TADA2A: variants seen among roughly 807,000 people sequenced by gnomAD.
The protein encoded by TADA2A is transcriptional adapter 2-alpha.
Under a neutral mutation model 67.4 loss-of-function variants are expected in TADA2A, and 38 were observed. The ratio of observed to expected loss-of-function variants is 0.56; its 90% CI spans 0.44 to 0.74. TADA2A has a LOEUF of 0.74. Among genes scored for constraint, TADA2A ranks in the 30% least tolerant of loss-of-function variants. The probability of loss-of-function intolerance (pLI) is 0.00; values close to 1 mark genes in which losing one functional copy is unlikely to be tolerated. For missense variants in TADA2A, 454 were observed against 547.0 expected (o/e 0.83, Z 1.70); for synonymous variants, 192 against 181.6 (o/e 1.06, Z -0.46).
At chr17:37,407,681 C>T (rs1036753029) in intron 1 of TADA2A, among the ~76,000 whole-genome samples, 4 of 151,726 alleles carry the variant, frequency 2.6e-5, no homozygotes, top group African/African-American at 9.7e-5. Flanking sequence ...GGCACGATCG[C>T]GGCTCACTGC....
At chr17:37,459,830 C>A (rs1322327823) in intron 9 of TADA2A, among the ~76,000 whole-genome samples, 3 of 150,912 alleles carry the variant, frequency 2.0e-5, no homozygotes, top group African/African-American at 4.9e-5. Context: ...CTTTGGGAGG[C>A]CGAGGCTGGT....
chr17:37,469,564 T>C (rs7217375), intron 12 of TADA2A, among the ~76,000 whole-genome samples: 110,143 of 151,780 alleles, frequency 0.73, 40,588 homozygotes, highest in East Asian at 0.97. Flanking sequence ...ACCTGGGAGG[T>C]GGAGGTTGCT....
intron 4 of TADA2A, among the ~76,000 whole-genome samples, chr17:37,435,297 G>C (rs2052689134): frequency 6.6e-6 from 1 of 152,128 alleles, no homozygotes; most frequent in Admixed American, 6.6e-5. Flanking sequence ...TTGTTTGTTT[G>C]TTTGTTTTTG....
Position 37,477,078 on chromosome 17 carries a change from A to C in TADA2A, c.*96A>C. Reference sequence around the variant, plus strand: ...ATTCTGGAGAGTTGTTTTTCAGCTGAATTCTCATGGTGAAAACAGGGGAAA... The same window carrying C: ...ATTCTGGAGAGTTGTTTTTCAGCTGCATTCTCATGGTGAAAACAGGGGAAA... On this transcript the variant is annotated 3_prime_UTR_variant, in exon 16 of 16. Transcript: ENST00000615182. 2 of 1,276,838 alleles carry C rather than the reference A, an allele frequency of 1.6e-6. No homozygotes were observed. Among genetic ancestry groups the C allele is most frequent in the South Asian group, 2.9e-5 (2 of 67,964 alleles). 79.1% of individuals were successfully genotyped at this position (1,276,838 alleles called of 1,614,324 possible). A position where few individuals can be genotyped will look rare whatever the true frequency, so the allele number is the denominator to read the frequency against.
At chr17:37,444,257 T>TG (rs2053009152) in intron 7 of TADA2A, among the ~76,000 whole-genome samples, 1 of 28,334 alleles carries the variant, frequency 3.5e-5, no homozygotes, top group Non-Finnish European at 5.4e-5. Flanking sequence ...AGACCCTGTT[T>TG]CCAAAAAAAA....
rs2147923030 is a variant in TADA2A, at chr17:37,422,307, G to A, written c.26-1202G>A. ...GATCCACCCGCCTCGGCCCCCCAAA[G>A]TGCTGGGATTACAGGCATGAGCCAC... On this transcript the variant is annotated intron_variant, in intron 2 of 15. Coordinates refer to ENST00000615182, the MANE Select transcript of TADA2A (RefSeq NM_001166105.3). 1.3e-5 allele frequency among the ~76,000 whole-genome samples: 2 copies of A among 149,982 alleles called. 1 individual carries two copies. Among genetic ancestry groups the A allele is most frequent in the South Asian group, 4.3e-4 (2 of 4,688 alleles).
chr17:37,458,637 T>TTTTTTG lies in TADA2A; in HGVS notation c.668+51_668+52insTTTTGT, dbSNP rs1230849870. ...CTCCTTTCAGCTTTGGATTATTGTT[T>TTTTTTG]TGTGTGTGTGTGTGTGTGTGTGTGT... On this transcript the variant is annotated intron_variant, in intron 9 of 15. Transcript: ENST00000615182. The TTTTTTG allele has an allele frequency of 8.2e-6, 8 of 981,564 alleles. No individual in the cohort carries two copies. The South Asian group carries it at 8.9e-5, about 11-fold the overall frequency. The allele number at this position is 981,564 out of a possible 1,614,324, so 60.8% of individuals were successfully genotyped here.
chr17:37,462,606 TG>T (rs35042552), intron 10 of TADA2A, among the ~76,000 whole-genome samples: 1 of 150,010 alleles, frequency 6.7e-6, no homozygotes, highest in Admixed American at 6.6e-5. Flanking sequence ...CACTCCAGCC[TG>T]GGCGATAGAG....
At chr17:37,468,593 C>G (rs1399798411) in intron 12 of TADA2A, among the ~76,000 whole-genome samples, 1 of 151,760 alleles carries the variant, frequency 6.6e-6, no homozygotes, top group African/African-American at 2.4e-5. Flanking sequence ...TCTCAAACTC[C>G]TGGCCTCAAG....
intron 2 of TADA2A, among the ~76,000 whole-genome samples, chr17:37,418,836 G>A (rs1179726856): frequency 6.6e-6 from 1 of 151,610 alleles, no homozygotes. Flanking sequence ...TGAGCCACCC[G>A]GCTCAGCCTC....
chr17:37,430,856 C>T (rs545186565), intron 4 of TADA2A, among the ~76,000 whole-genome samples: 1 of 152,282 alleles, frequency 6.6e-6, no homozygotes, highest in Admixed American at 6.5e-5. Flanking sequence ...GTCTCTTCAA[C>T]TAATGTGTGT....
chr17:37,423,575 G>A lies in TADA2A; in HGVS notation c.92G>A (p.Cys31Tyr). The change falls in exon 3 of 16, where the codon TGT (cysteine) becomes TAT (tyrosine). Residue 31 changes from cysteine (C) to tyrosine (Y), a missense_variant. Transcript: ENST00000615182. ...SSYLMEPYIK[C>Y]AECGPPPFFL... ...TACCTCATGGAGCCTTATATCAAGT[G>A]TGCTGAATGTGGGCCACCTCCTTTT... 1 of 1,613,444 alleles carries A rather than the reference G, an allele frequency of 6.2e-7. No individual in the cohort carries two copies. Among genetic ancestry groups the A allele is most frequent in the Non-Finnish European group, 8.5e-7 (1 of 1,179,892 alleles).
At chr17:37,469,605 C>G (rs1028993520) in intron 12 of TADA2A, among the ~76,000 whole-genome samples, 4 of 152,114 alleles carry the variant, frequency 2.6e-5, no homozygotes, top group African/African-American at 9.7e-5. Flanking sequence ...TGCACTCAAG[C>G]CTGGGCAACA....
At chr17:37,444,661 G>A (rs1202110084) in intron 7 of TADA2A, 35 bp from the exon 8 acceptor site, 3 of 1,587,436 alleles carry the variant, frequency 1.9e-6, no homozygotes, top group Non-Finnish European at 2.6e-6. Flanking sequence ...AAGCCGATGG[G>A]TTTGGGGTGG....
chr17:37,443,547 C>T (rs2052985924), intron 7 of TADA2A, among the ~76,000 whole-genome samples: 1 of 152,176 alleles, frequency 6.6e-6, no homozygotes, highest in African/African-American at 2.4e-5. Context: ...AGCCACTGCA[C>T]CTGGCTTGTA....
At chr17:37,454,693 CT>C (rs965769183) in intron 8 of TADA2A, 20 of 335,086 alleles carry the variant, frequency 6.0e-5, no homozygotes, top group African/African-American at 4.0e-4. Flanking sequence ...AGAAAAGAAC[CT>C]GCTGAGCAGT....
chr17:37,468,099 ATT>A (rs1205587188), intron 12 of TADA2A, among the ~76,000 whole-genome samples: 1 of 151,906 alleles, frequency 6.6e-6, no homozygotes, highest in African/African-American at 2.4e-5. Flanking sequence ...AAAAAAAGGA[ATT>A]TTATATTTTA....
chr17:37,427,307 G>A lies in TADA2A; in HGVS notation c.192+298G>A, dbSNP rs923721687. Among the ~76,000 whole-genome samples the A allele has an allele frequency of 5.9e-5, 9 of 152,320 alleles. No individual in the cohort carries two copies. The South Asian group carries it at 6.2e-4, about 11-fold the overall frequency. On this transcript the variant is annotated intron_variant, in intron 4 of 15. Transcript: ENST00000615182. ...AAATACTTTTGATATGAGGATAACA[G>A]GTATGCTGCTTTTTAAACTCATTGA...
chr17:37,442,902 A>T lies in TADA2A; in HGVS notation c.531+250A>T, dbSNP rs1370481372. ...TTTCTGGCCAGGCTCAGTGGCTTAC[A>T]CCTGTAATCCCAGCACTTTGGGAGC... On this transcript the variant is annotated intron_variant, in intron 7 of 15. Transcript: ENST00000615182. Among the ~76,000 whole-genome samples the T allele has an allele frequency of 2.6e-5, 4 of 152,102 alleles. No individual in the cohort carries two copies. The South Asian group carries it at 6.2e-4, about 24-fold the overall frequency.
Sources: gnomAD v4.1 joint callset for allele counts (sites outside exome capture counted in the v4.1 genomes callset) on GRCh38, gnomAD v4.1.1 for gene constraint, MANE v1.5 for transcripts, NCBI Gene and HGNC (gene_info 2026-07-23, HGNC 2026-07-21) for gene names.